Variants in CFAP61 observed in about 807,000 individuals in gnomAD.
CFAP61 encodes cilia and flagella associated protein 61.
CFAP61 carries 107 observed loss-of-function variants against 135.6 expected under a neutral mutation model. The ratio of observed to expected loss-of-function variants is 0.79; its 90% CI spans 0.67 to 0.93. The LOEUF is 0.93. Ranked by LOEUF, CFAP61 falls within the 40% of genes least tolerant of loss-of-function variation. The probability of loss-of-function intolerance (pLI) is 0.00; values close to 1 mark genes in which losing one functional copy is unlikely to be tolerated. For missense variants in CFAP61, 1,507 were observed against 1,556.2 expected (o/e 0.97, Z 0.53); for synonymous variants, 575 against 578.5 (o/e 0.99, Z 0.09).
rs2051682106 is a variant in CFAP61 at position 20,257,207 on chromosome 20, T to TATATTTGAAAATAG, written c.2328+5444_2328+5445insATATTTGAAAATAG. Among the ~76,000 whole-genome samples, 5 of 152,310 alleles carry TATATTTGAAAATAG rather than the reference T, an allele frequency of 3.3e-5. No homozygotes were observed. In the South Asian group the frequency reaches 1.0e-3, roughly 32 times the overall value. ...CAGTAATTATGTGTCCACCTAAATC[T>TATATTTGAAAATAG]CTCATATTTGAAAATAGCAGGTAGC... On this transcript the variant is annotated intron_variant, in intron 20 of 26. Transcript: ENST00000245957.
intron 17 of CFAP61, among the ~76,000 whole-genome samples, chr20:20,208,802 C>CCACCTGCCCTTCAGCT (rs1166190081): frequency 6.6e-6 from 1 of 152,208 alleles, no homozygotes; most frequent in African/African-American, 2.4e-5. Context: ...CCCGTGCAGG[C>CCACCTGCCCTTCAGCT]CACCTGCCCT....
intron 8 of CFAP61, among the ~76,000 whole-genome samples, chr20:20,102,105 C>G (rs1486805378): frequency 6.6e-6 from 1 of 152,196 alleles, no homozygotes; most frequent in East Asian, 1.9e-4. Flanking sequence ...CCACTCTGAC[C>G]TATGCAGGGG....
At chr20:20,355,794 G>A (rs2059103804) in intron 26 of CFAP61, among the ~76,000 whole-genome samples, 2 of 139,588 alleles carry the variant, frequency 1.4e-5, no homozygotes, top group East Asian at 2.2e-4. Flanking sequence ...TGGTCACACT[G>A]AGGGGAGGTA....
At chr20:20,152,830 C>CA (rs959255313) in intron 9 of CFAP61, among the ~76,000 whole-genome samples, 3 of 151,554 alleles carry the variant, frequency 2.0e-5, no homozygotes, top group Admixed American at 6.6e-5. Flanking sequence ...AGAAAGTCAA[C>CA]AAAAAAAATG....
chr20:20,269,825 G>A (rs1438073799), intron 21 of CFAP61, among the ~76,000 whole-genome samples: 2 of 152,210 alleles, frequency 1.3e-5, no homozygotes, highest in Non-Finnish European at 2.9e-5. Flanking sequence ...CCATCTGCAA[G>A]TGTACTGCAG....
chr20:20,079,221 A>G (rs1240414447), intron 6 of CFAP61, among the ~76,000 whole-genome samples: 1 of 152,058 alleles, frequency 6.6e-6, no homozygotes, highest in Admixed American at 6.5e-5. Context: ...TGCCTTCCTC[A>G]GGACCTAGTC....
rs372541555 is a variant in CFAP61, at chr20:20,359,680, A to G, written c.3514-530A>G. Among the ~76,000 whole-genome samples the G allele has an allele frequency of 2.5e-5, 1 of 39,980 alleles. No individual in the cohort carries two copies. The highest frequency in any genetic ancestry group is 1.4e-4 in the Non-Finnish European group (1 of 7,396). 26.2% of individuals were successfully genotyped at this position (39,980 alleles called of 152,430 possible). On this transcript the variant is annotated intron_variant, in intron 26 of 26. Coordinates refer to ENST00000245957, the MANE Select transcript of CFAP61 (RefSeq NM_015585.4). The surrounding 1 kb of genome is among the most constrained non-coding windows in gnomAD (Gnocchi z 4.0). ...ATTCCGTCTCAAAAAGCAAAAAACA[A>G]AACAACAACAACAACAAAACAAGTA... is the stretch of plus-strand genomic sequence containing the variant.
chr20:20,150,052 C>T (rs545608894), intron 9 of CFAP61, among the ~76,000 whole-genome samples: 24 of 152,244 alleles, frequency 1.6e-4, no homozygotes, highest in Admixed American at 5.9e-4. Flanking sequence ...ATGGCAAGAG[C>T]GAGACTGGCC....
At chr20:20,206,779 G>T (rs986337206) in intron 17 of CFAP61, among the ~76,000 whole-genome samples, 1 of 151,788 alleles carries the variant, frequency 6.6e-6, no homozygotes, top group Admixed American at 6.6e-5. Flanking sequence ...TTTTCATTTG[G>T]GGGGCGGTGT....
intron 6 of CFAP61, among the ~76,000 whole-genome samples, chr20:20,087,593 G>T (rs915173590): frequency 6.6e-6 from 1 of 152,284 alleles, no homozygotes; most frequent in South Asian, 2.1e-4. Flanking sequence ...GGAAGTGAGT[G>T]CAGTGATTCA....
chr20:20,221,738 A>G (rs964322024), intron 17 of CFAP61: 1 of 152,196 alleles, frequency 6.6e-6, no homozygotes, highest in Non-Finnish European at 1.5e-5. Context: ...AAAGGCACTC[A>G]ATCGTTGCAT....
intron 8 of CFAP61, among the ~76,000 whole-genome samples, chr20:20,106,930 C>G (rs540513288): frequency 6.6e-6 from 1 of 152,152 alleles, no homozygotes; most frequent in African/African-American, 2.4e-5. Context: ...TTGGCTATTA[C>G]GCTATATGGA....
intron 6 of CFAP61, among the ~76,000 whole-genome samples, chr20:20,086,049 C>A (rs1275118480): frequency 6.6e-6 from 1 of 152,088 alleles, no homozygotes; most frequent in South Asian, 2.1e-4. Flanking sequence ...AGAGAGCAGG[C>A]TTTAGTGCGT....
At chr20:20,202,649 T>C (rs1039863928) in intron 17 of CFAP61, among the ~76,000 whole-genome samples, 1 of 152,208 alleles carries the variant, frequency 6.6e-6, no homozygotes, top group African/African-American at 2.4e-5. Flanking sequence ...CCTCAAGACA[T>C]TGTTTTCTTA....
chr20:20,296,870 G>C (rs973892063), intron 24 of CFAP61, among the ~76,000 whole-genome samples: 1 of 151,794 alleles, frequency 6.6e-6, no homozygotes, highest in Non-Finnish European at 1.5e-5. Context: ...CCCCATTGTC[G>C]GTGGGCCATT....
intron 10 of CFAP61, among the ~76,000 whole-genome samples, chr20:20,163,628 C>T (rs1199480053): frequency 2.0e-5 from 3 of 150,774 alleles, no homozygotes; most frequent in East Asian, 1.9e-4. Flanking sequence ...TTTTATTTTA[C>T]GTTCTGGGAT....
rs1189307980 is a variant in CFAP61 at position 20,262,983 on chromosome 20, A to T, written c.2356A>T (p.Ser786Cys). The stretch of plus-strand genomic sequence containing the variant: ...CCCATGCCCTACAGAGGCTGATATT[A>T]GTCAACACCTGACAAACAGGGAGGT... The part of the protein sequence containing the change: ...QVPCPTEADI[S>C]QHLTNREVPN... The change falls in exon 21 of 27, where the codon AGT (serine) becomes TGT (cysteine). Residue 786 changes from serine to cysteine, a missense_variant. Coordinates refer to ENST00000245957, the MANE Select transcript of CFAP61 (RefSeq NM_015585.4). 2 of 1,613,666 alleles carry T rather than the reference A, an allele frequency of 1.2e-6. No homozygotes were observed. The highest frequency in any genetic ancestry group is 1.7e-6 in the Non-Finnish European group (2 of 1,179,802).
intron 2 of CFAP61, among the ~76,000 whole-genome samples, chr20:20,060,558 G>T (rs1050316501): frequency 2.6e-5 from 4 of 152,198 alleles, no homozygotes; most frequent in African/African-American, 9.6e-5. Context: ...TAGAATGAAA[G>T]AATCCTTCAG....
intron 1 of CFAP61, 51 bp downstream of exon 1, chr20:20,052,642 C>T (rs1158318861): frequency 1.9e-6 from 3 of 1,613,334 alleles, no homozygotes; most frequent in Non-Finnish European, 2.5e-6. Flanking sequence ...CGGTGCAGGG[C>T]GTCCAGGGCG....
Sources: gnomAD v4.1 joint callset for allele counts (sites outside exome capture counted in the v4.1 genomes callset) on GRCh38, gnomAD v4.1.1 for gene constraint, Gnocchi (gnomAD v3.1) non-coding constraint, MANE v1.5 for transcripts, NCBI Gene and HGNC (gene_info 2026-07-23, HGNC 2026-07-21) for gene names.